Variants in TTC7B observed in about 807,000 individuals in gnomAD.
TTC7B encodes tetratricopeptide repeat protein 7B.
A neutral mutation model predicts 106.8 loss-of-function variants in TTC7B; 28 were observed. The ratio of observed to expected loss-of-function variants is 0.26; its 90% CI spans 0.19 to 0.36. The LOEUF (loss-of-function observed/expected upper bound fraction) is 0.36, where lower values mean the gene tolerates loss of function less well. Among genes scored for constraint, TTC7B ranks in the 10% least tolerant of loss-of-function variants. The probability of loss-of-function intolerance (pLI) is 1.00; values close to 1 mark genes in which losing one functional copy is unlikely to be tolerated. For missense variants in TTC7B, 862 were observed against 1,076.4 expected (o/e 0.80, Z 2.79); for synonymous variants, 405 against 430.6 (o/e 0.94, Z 0.74).
At chr14:90,656,711 C>T (rs1885960180) in intron 11 of TTC7B, among the ~76,000 whole-genome samples, 2 of 152,176 alleles carry the variant, frequency 1.3e-5, no homozygotes, top group South Asian at 2.1e-4. Flanking sequence ...AAGGATGACT[C>T]GAGCCCAAAA....
chr14:90,707,912 C>T (rs970224676), intron 5 of TTC7B, among the ~76,000 whole-genome samples: 2 of 151,844 alleles, frequency 1.3e-5, no homozygotes, highest in African/African-American at 2.4e-5. Context: ...TTTGGGAGGC[C>T]GAGGCGGGCG....
At chr14:90,784,243 C>G (rs1891307060) in intron 2 of TTC7B, among the ~76,000 whole-genome samples, 2 of 152,100 alleles carry the variant, frequency 1.3e-5, no homozygotes, top group South Asian at 4.2e-4. Context: ...CCACCTGTGT[C>G]ATCATGTCAT....
At chr14:90,555,450 G>A (rs1287917331) in intron 19 of TTC7B, among the ~76,000 whole-genome samples, 4 of 152,200 alleles carry the variant, frequency 2.6e-5, no homozygotes, top group Non-Finnish European at 4.4e-5. Context: ...TGGGTGACCT[G>A]AAGAATGGCT....
At chr14:90,550,417 A>G (rs576972391) in intron 19 of TTC7B, among the ~76,000 whole-genome samples, 2 of 152,320 alleles carry the variant, frequency 1.3e-5, no homozygotes, top group South Asian at 2.1e-4. Flanking sequence ...CCTTTTGTGA[A>G]TATTCATAGC....
chr14:90,703,870 T>C (rs1328453060), intron 5 of TTC7B, among the ~76,000 whole-genome samples: 3 of 152,014 alleles, frequency 2.0e-5, no homozygotes, highest in Admixed American at 6.5e-5. Flanking sequence ...TTCTCAGGAG[T>C]GGGACCAGAT....
In TTC7B at chr14:90,608,466, T is replaced by C. The variant is rs866645101; in HGVS notation, c.1966+2276A>G. Reference sequence around the variant, plus strand: ...TCAACAATGAAACCGTCTGTGGCAGTGCCTGGGAGGCTGTGGCTTCCCTGT... The same window carrying C: ...TCAACAATGAAACCGTCTGTGGCAGCGCCTGGGAGGCTGTGGCTTCCCTGT... On this transcript the variant is annotated intron_variant, in intron 17 of 19. Transcript: ENST00000328459. This position sits in a 1 kb window ranked among gnomAD's most constrained non-coding sequence, Gnocchi z 5.1. 4.5e-4 allele frequency among the ~76,000 whole-genome samples: 69 copies of C among 152,254 alleles called. 1 individual carries two copies. In the Middle Eastern group the frequency reaches 0.01, roughly 23 times the overall value.
At chr14:90,612,513 T>C (rs1892915732) in intron 16 of TTC7B, among the ~76,000 whole-genome samples, 5 of 152,218 alleles carry the variant, frequency 3.3e-5, no homozygotes. Context: ...AGGAAGGATT[T>C]GCCTGGGTTT....
At chr14:90,592,161 T>C (rs1891986930) in intron 18 of TTC7B, among the ~76,000 whole-genome samples, 1 of 152,120 alleles carries the variant, frequency 6.6e-6, no homozygotes, top group African/African-American at 2.4e-5. Flanking sequence ...GGGTGGAATA[T>C]CATACGATTA....
chr14:90,618,909 C>A (rs1348187568), intron 15 of TTC7B, among the ~76,000 whole-genome samples: 3 of 152,186 alleles, frequency 2.0e-5, no homozygotes, highest in Non-Finnish European at 4.4e-5. Flanking sequence ...CTCCAAAAAT[C>A]ATTCTTTTCC....
intron 5 of TTC7B, among the ~76,000 whole-genome samples, chr14:90,722,723 C>CA (rs1888944889): frequency 6.6e-6 from 1 of 152,208 alleles, no homozygotes; most frequent in South Asian, 2.1e-4. Context: ...GGTATCTGAT[C>CA]CAGGGGTCAC....
intron 15 of TTC7B, among the ~76,000 whole-genome samples, chr14:90,637,086 C>A (rs1431715887): frequency 6.6e-6 from 1 of 151,026 alleles, no homozygotes; most frequent in African/African-American, 2.4e-5. Context: ...AGTGAGTTGA[C>A]AAAAAAGTTA....
rs2031186499 is a variant in TTC7B, at chr14:90,816,297, GC to G, written c.-3del. ...CGAGCCTGCCTTCTTGGTCGCCATC[GC>G]GGCCTGGCCGGGCCCGGCCGCCCGC... is the stretch of plus-strand genomic sequence containing the variant. On this transcript the variant is annotated 5_prime_UTR_variant, in exon 1 of 20. Transcript: ENST00000328459. 3.3e-6 allele frequency: 4 copies of G among 1,198,140 alleles called. No homozygotes were observed. The highest frequency in any genetic ancestry group is 4.3e-6 in the Non-Finnish European group (4 of 938,198). The allele number at this position is 1,198,140 out of a possible 1,614,324, so 74.2% of individuals were successfully genotyped here.
At chr14:90,618,191 G>A in intron 15 of TTC7B, 146 bp from the exon 16 acceptor site, 1 of 598,630 alleles carries the variant, frequency 1.7e-6, no homozygotes, top group Non-Finnish European at 3.0e-6. Context: ...AAGGAAAGCG[G>A]GATTCCAGAA....
chr14:90,645,666 C>A lies in TTC7B; in HGVS notation c.1590+1285G>T, dbSNP rs1885414110. On this transcript the variant is annotated intron_variant, in intron 14 of 19. Transcript: ENST00000328459. Reference sequence around the variant, plus strand: ...TTGATGGGTGGGTCGAAAGGCAAAGCATAGGCATGATGTTGATTTGCAGGG... The same window carrying A: ...TTGATGGGTGGGTCGAAAGGCAAAGAATAGGCATGATGTTGATTTGCAGGG... 2.0e-5 allele frequency among the ~76,000 whole-genome samples: 3 copies of A among 152,188 alleles called. No homozygotes were observed. In the East Asian group the frequency reaches 5.8e-4, roughly 29 times the overall value.
At chr14:90,703,708 C>T (rs867346975) in intron 5 of TTC7B, among the ~76,000 whole-genome samples, 1 of 152,188 alleles carries the variant, frequency 6.6e-6, no homozygotes, top group Non-Finnish European at 1.5e-5. Flanking sequence ...GCCTACAGGC[C>T]TCCAGTTCAA....
At chr14:90,714,247 AGTG>A (rs1468254216) in intron 5 of TTC7B, among the ~76,000 whole-genome samples, 11 of 152,050 alleles carry the variant, frequency 7.2e-5, no homozygotes, top group Non-Finnish European at 1.0e-4. Context: ...AGAAAAAAAA[AGTG>A]AGACACAATC....
chr14:90,611,646 G>C (rs1412276466), intron 16 of TTC7B, among the ~76,000 whole-genome samples: 1 of 152,076 alleles, frequency 6.6e-6, no homozygotes, highest in Non-Finnish European at 1.5e-5. Flanking sequence ...CCAGCTTCCT[G>C]CACTGCCCAT....
chr14:90,749,408 T>C (rs952559933), intron 3 of TTC7B, among the ~76,000 whole-genome samples: 10 of 147,568 alleles, frequency 6.8e-5, no homozygotes, highest in African/African-American at 1.5e-4. Flanking sequence ...TTTTCTTTTT[T>C]TTTTTTTTTT....
Position 90,600,490 on chromosome 14 carries a change from T to C in TTC7B, c.1967-6864A>G, listed in dbSNP as rs1219425092. 6.6e-6 allele frequency among the ~76,000 whole-genome samples: 1 copy of C among 152,216 alleles called. No individual in the cohort carries two copies. Among genetic ancestry groups the C allele is most frequent in the Admixed American group, 6.5e-5 (1 of 15,288 alleles). On this transcript the variant is annotated intron_variant, in intron 17 of 19. Transcript: ENST00000328459. The surrounding 1 kb of genome is among the most constrained non-coding windows in gnomAD (Gnocchi z 4.3). ...CCTTGGTCACCATTCTAGTAGACAC[T>C]TCCATTTTTCACCAAGTGAAAAAAG...
Sources: allele counts gnomAD v4.1 joint callset (sites outside exome capture counted in the v4.1 genomes callset), GRCh38; gene constraint gnomAD v4.1.1; non-coding constraint Gnocchi (gnomAD v3.1); transcripts MANE v1.5; gene names NCBI Gene and HGNC (gene_info 2026-07-23, HGNC 2026-07-21).